The following RHEX variants were observed in gnomAD, a reference collection of about 807,000 sequenced individuals.
RHEX encodes the protein regulator of hemoglobinization and erythroid cell expansion protein.
RHEX carries 18 observed loss-of-function variants against 20.1 expected under a neutral mutation model. That is an observed-to-expected ratio of 0.90 (90% confidence interval 0.62 to 1.33). The LOEUF (loss-of-function observed/expected upper bound fraction) is 1.33, where lower values mean the gene tolerates loss of function less well. Ranked by LOEUF, RHEX falls within the 40% of genes most tolerant of loss-of-function variation. The pLI, the probability that RHEX is intolerant of heterozygous loss-of-function variation, is 0.00. For synonymous variants in RHEX, 87 were observed against 77.1 expected, an observed-to-expected ratio of 1.13 and a Z score of -0.67; for missense variants, 192 against 214.3, an observed-to-expected ratio of 0.90 and a Z score of 0.65.
chr1:206,083,581 C>T (rs1448880449), intron 1 of RHEX: 12 of 985,212 alleles, frequency 1.2e-5, no homozygotes, highest in Non-Finnish European at 1.2e-5. Flanking sequence ...GGAGAAGGGT[C>T]GGGGAGATAT....
chr1:206,087,662 G>T (rs1662865792), intron 1 of RHEX, among the ~76,000 whole-genome samples: 3 of 152,270 alleles, frequency 2.0e-5, no homozygotes, highest in Middle Eastern at 3.4e-3. Context: ...ACATTTAGGT[G>T]ATCATCTCAA....
At chr1:206,070,949 TA>T (rs1662513483) in intron 1 of RHEX, among the ~76,000 whole-genome samples, 1 of 152,244 alleles carries the variant, frequency 6.6e-6, no homozygotes. Flanking sequence ...TGGCTGATTT[TA>T]TTAGGGTTCT....
chr1:206,102,039 G>A lies in RHEX; in HGVS notation c.*87G>A. On this transcript the variant is annotated 3_prime_UTR_variant, in exon 6 of 6. Coordinates refer to ENST00000331555, the MANE Select transcript of RHEX (RefSeq NM_001007544.4). Reference sequence around the variant, plus strand: ...AATGCCATTTTTCCCCCTTAAACAAGGCATGGGGCTCACAAGTCTATGGAG... The same window carrying A: ...AATGCCATTTTTCCCCCTTAAACAAAGCATGGGGCTCACAAGTCTATGGAG... 2 of 1,090,336 alleles carry A rather than the reference G, an allele frequency of 1.8e-6. No homozygotes were observed. The highest frequency in any genetic ancestry group is 2.8e-6 in the Non-Finnish European group (2 of 721,964). The allele number at this position is 1,090,336 out of a possible 1,614,324, so 67.5% of individuals were successfully genotyped here.
intron 1 of RHEX, among the ~76,000 whole-genome samples, chr1:206,072,361 G>A (rs1662552208): frequency 6.6e-6 from 1 of 152,160 alleles, no homozygotes; most frequent in Non-Finnish European, 1.5e-5. Flanking sequence ...GGATCACAAC[G>A]TCAAGAGTTC....
At position 206,057,235 on chromosome 1, in the gene RHEX, T is replaced by C. The variant is rs371598964; in HGVS notation, c.-97+3970T>C. 2.0e-5 allele frequency among the ~76,000 whole-genome samples: 3 copies of C among 152,386 alleles called. No homozygotes were observed. In the South Asian group the frequency reaches 6.2e-4, roughly 32 times the overall value. ...CAGTCTCTACAAGTCGCCTATGTCA[T>C]GTTTGTGGAGGAACCGTAACAGGAG... On this transcript the variant is annotated intron_variant, in intron 1 of 5. Coordinates refer to ENST00000331555, the MANE Select transcript of RHEX (RefSeq NM_001007544.4).
chr1:206,097,781 T>C lies in RHEX; in HGVS notation c.-48T>C, dbSNP rs1553287871. 1 of 1,614,066 alleles carries C rather than the reference T, an allele frequency of 6.2e-7. No individual in the cohort carries two copies. The highest frequency in any genetic ancestry group is 1.3e-5 in the African/African-American group (1 of 75,006). ...ACTACTGAGAGACGAGGTGCCAGGG[T>C]GGTTCCTGAAAGTGCCTGAGCCCCA... On this transcript the variant is annotated 5_prime_UTR_variant, in exon 2 of 6. Coordinates refer to ENST00000331555, the MANE Select transcript of RHEX (RefSeq NM_001007544.4).
chr1:206,055,747 G>C (rs1469008051), intron 1 of RHEX, among the ~76,000 whole-genome samples: 3 of 152,236 alleles, frequency 2.0e-5, no homozygotes, highest in Non-Finnish European at 2.9e-5. Context: ...CCCAGCCCTG[G>C]GGCTACCTGA....
intron 1 of RHEX, among the ~76,000 whole-genome samples, chr1:206,059,054 A>G (rs1662255928): frequency 6.6e-6 from 1 of 152,044 alleles, no homozygotes; most frequent in Non-Finnish European, 1.5e-5. Context: ...TCCTGCCGTA[A>G]CAGGTGTGCT....
intron 1 of RHEX, among the ~76,000 whole-genome samples, chr1:206,064,409 C>T (rs1432961583): frequency 1.6e-5 from 2 of 122,814 alleles, no homozygotes; most frequent in Admixed American, 7.6e-5. Flanking sequence ...GCCCCCCGCC[C>T]GGCCAGCCGC....
chr1:206,054,282 C>T (rs1222574936), intron 1 of RHEX, among the ~76,000 whole-genome samples: 12 of 151,854 alleles, frequency 7.9e-5, no homozygotes, highest in African/African-American at 2.2e-4. Flanking sequence ...CGGCAAAAGT[C>T]GTGAAAGAAA....
In RHEX at chr1:206,101,842, G is replaced by A; in HGVS notation, c.409G>A (p.Glu137Lys). The stretch of plus-strand genomic sequence containing the variant: ...CCCGCTGGACTATGAGAACATAAAG[G>A]AAATCACAGATTATGTCAATGTCAA... Reference protein sequence around the residue: ...DSPLDYENIKEITDYVNVNPE... With the variant: ...DSPLDYENIKKITDYVNVNPE... Residue 137 changes from glutamate (E) to lysine (K), a missense_variant, in exon 6 of 6, where the codon GAA becomes AAA. Glu to Lys is a moderately conservative substitution (Grantham distance 56). Coordinates refer to ENST00000331555, the MANE Select transcript of RHEX (RefSeq NM_001007544.4). The A allele has an allele frequency of 6.2e-7, 1 of 1,613,978 alleles. No homozygotes were observed. The highest frequency in any genetic ancestry group is 1.1e-5 in the South Asian group (1 of 91,084).
chr1:206,095,392 T>A (rs28509307), intron 1 of RHEX, among the ~76,000 whole-genome samples: 35,963 of 152,030 alleles, frequency 0.24, 7,318 homozygotes, highest in African/African-American at 0.55. Flanking sequence ...AGTAAAAAAA[T>A]AGCTAACAAT....
chr1:206,075,411 G>C, intron 1 of RHEX, among the ~76,000 whole-genome samples: 1 of 152,160 alleles, frequency 6.6e-6, no homozygotes, highest in East Asian at 1.9e-4. Flanking sequence ...AACAAACACA[G>C]ATCTATGATG....
intron 1 of RHEX, among the ~76,000 whole-genome samples, chr1:206,064,670 G>T (rs542129480): frequency 2.2e-5 from 3 of 133,734 alleles, no homozygotes; most frequent in African/African-American, 5.8e-5. Context: ...TCAGCCCCCC[G>T]CCCGGCCAGC....
chr1:206,065,972 C>G (rs1662413714), intron 1 of RHEX, among the ~76,000 whole-genome samples: 2 of 152,230 alleles, frequency 1.3e-5, no homozygotes, highest in Admixed American at 1.3e-4. Flanking sequence ...AAAAGAGGAA[C>G]CACTGTTTAG....
At chr1:206,078,979 TAAC>T (rs782698607) in intron 1 of RHEX, among the ~76,000 whole-genome samples, 6 of 152,206 alleles carry the variant, frequency 3.9e-5, no homozygotes, top group Non-Finnish European at 8.8e-5. Context: ...GTAATAATGA[TAAC>T]AATAATAAAT....
intron 3 of RHEX, among the ~76,000 whole-genome samples, chr1:206,099,279 G>T (rs1221107530): frequency 6.6e-6 from 1 of 151,988 alleles, no homozygotes; most frequent in East Asian, 1.9e-4. Context: ...TGTTCAACAG[G>T]CGCTGATTCA....
chr1:206,087,620 A>G (rs184087029), intron 1 of RHEX, among the ~76,000 whole-genome samples: 1 of 152,212 alleles, frequency 6.6e-6, no homozygotes, highest in Admixed American at 6.5e-5. Context: ...TGCATGGACC[A>G]CTCGATAAAT....
At chr1:206,074,971 A>G (rs1317461098) in intron 1 of RHEX, among the ~76,000 whole-genome samples, 1 of 152,262 alleles carries the variant, frequency 6.6e-6, no homozygotes, top group Non-Finnish European at 1.5e-5. Context: ...CCATTCCCAC[A>G]ATGCCCCACA....
Sources: allele counts gnomAD v4.1 joint callset (sites outside exome capture counted in the v4.1 genomes callset), GRCh38; gene constraint gnomAD v4.1.1; transcripts MANE v1.5; gene names NCBI Gene and HGNC (gene_info 2026-07-23, HGNC 2026-07-21).